SYT14: variants seen among roughly 807,000 people sequenced by gnomAD.
SYT14 encodes synaptotagmin 14.
SYT14 carries 32 observed loss-of-function variants against 74.2 expected under a neutral mutation model. The observed-to-expected ratio is 0.43, with a 90% CI of 0.33 to 0.58. The LOEUF is 0.58. Ranked by LOEUF, SYT14 falls within the 20% of genes least tolerant of loss-of-function variation. SYT14 has a pLI of 0.05. For synonymous variants in SYT14, 298 were observed against 337.7 expected, an observed-to-expected ratio of 0.88 and a Z score of 1.29; for missense variants, 791 against 981.8, an observed-to-expected ratio of 0.81 and a Z score of 2.60.
At chr1:210,144,741 A>G (rs1478080307) in intron 7 of SYT14, among the ~76,000 whole-genome samples, 1 of 152,112 alleles carries the variant, frequency 6.6e-6, no homozygotes, top group Non-Finnish European at 1.5e-5. Flanking sequence ...AAAAACATTT[A>G]TATTAAAAAC....
At chr1:210,136,487 A>C (rs570061892) in intron 7 of SYT14, among the ~76,000 whole-genome samples, 2 of 152,306 alleles carry the variant, frequency 1.3e-5, no homozygotes, top group Admixed American at 1.3e-4. Flanking sequence ...AATTCATCCC[A>C]TTGTGTGATG....
At chr1:210,088,398 GC>G (rs1306872093) in intron 5 of SYT14, among the ~76,000 whole-genome samples, 2 of 151,820 alleles carry the variant, frequency 1.3e-5, no homozygotes. Flanking sequence ...CCCTCCCTGT[GC>G]CCATATGTTC....
intron 1 of SYT14, among the ~76,000 whole-genome samples, chr1:209,939,737 T>G (rs2078699658): frequency 6.6e-6 from 1 of 152,242 alleles, no homozygotes; most frequent in South Asian, 2.1e-4. Context: ...TCTACCACAC[T>G]ACCACACTAC....
intron 2 of SYT14, among the ~76,000 whole-genome samples, chr1:209,988,507 A>C (rs2079609879): frequency 6.6e-6 from 1 of 152,040 alleles, no homozygotes; most frequent in Non-Finnish European, 1.5e-5. Context: ...AAACATTGTG[A>C]AGTTTCCCTT....
At chr1:210,080,266 C>T (rs762989648) in intron 5 of SYT14, among the ~76,000 whole-genome samples, 4 of 152,130 alleles carry the variant, frequency 2.6e-5, no homozygotes, top group Admixed American at 2.0e-4. Flanking sequence ...ATAAAACACC[C>T]TCCAGTGTCC....
intron 7 of SYT14, among the ~76,000 whole-genome samples, chr1:210,139,602 A>G (rs1259392977): frequency 6.6e-6 from 1 of 151,956 alleles, no homozygotes; most frequent in Non-Finnish European, 1.5e-5. Context: ...TAATTTCACA[A>G]TATTTTTATT....
chr1:210,159,177 C>A (rs965187793), intron 8 of SYT14, among the ~76,000 whole-genome samples: 3 of 139,038 alleles, frequency 2.2e-5, no homozygotes, highest in African/African-American at 7.4e-5. Flanking sequence ...AAAAAGATGT[C>A]CCCCTTTAAA....
At chr1:210,049,730 A>G (rs2080956282) in intron 5 of SYT14, among the ~76,000 whole-genome samples, 1 of 152,184 alleles carries the variant, frequency 6.6e-6, no homozygotes, top group South Asian at 2.1e-4. Context: ...ACTTCCGTGT[A>G]CTCACAGGCT....
chr1:210,122,136 C>T (rs1422747969), intron 7 of SYT14, among the ~76,000 whole-genome samples: 2 of 66,964 alleles, frequency 3.0e-5, no homozygotes, highest in Non-Finnish European at 5.2e-5. Flanking sequence ...CGCCACTACG[C>T]CCGGCTAATT....
exon 10 of SYT14, chr1:210,166,233 A>G (rs186272714): frequency 4.6e-5 from 7 of 152,334 alleles, no homozygotes; most frequent in African/African-American, 1.4e-4. Flanking sequence ...ATGTAAAATA[A>G]TGGTTTCTAA....
chr1:210,094,318 T>C lies in SYT14; in HGVS notation c.1313-4T>C, dbSNP rs2081929817. 1 of 1,613,674 alleles carries C rather than the reference T, an allele frequency of 6.2e-7. No homozygotes were observed. The highest frequency in any genetic ancestry group is 1.1e-5 in the South Asian group (1 of 91,084). ...ACAGTGACCAGATTCTTAATCATTA[T>C]CAGGAAACTGCATTCAGAGAATGAG... On this transcript the variant is annotated splice_region_variant and splice_polypyrimidine_tract_variant and intron_variant, in intron 5 of 9. Transcript: ENST00000637265.
At chr1:210,094,428 A>T (rs1479087138) in exon 6 of SYT14, 1 of 1,613,944 alleles carries the variant, frequency 6.2e-7, no homozygotes, top group Non-Finnish European at 8.5e-7. Context: ...CACCCTCAGA[A>T]ATTGGGGACA....
chr1:209,970,507 GC>G (rs2102749377), intron 2 of SYT14, among the ~76,000 whole-genome samples: 1 of 151,998 alleles, frequency 6.6e-6, no homozygotes, highest in South Asian at 2.1e-4. Context: ...GATGCATCCA[GC>G]TTTATTCTTT....
intron 2 of SYT14, among the ~76,000 whole-genome samples, chr1:209,978,645 A>G (rs1180127129): frequency 6.6e-6 from 1 of 152,160 alleles, no homozygotes; most frequent in Non-Finnish European, 1.5e-5. Context: ...AAGGCTACCC[A>G]GGGGTCAGGG....
chr1:210,079,054 G>GTA (rs1442640564), intron 5 of SYT14, among the ~76,000 whole-genome samples: 1 of 151,926 alleles, frequency 6.6e-6, no homozygotes, highest in Non-Finnish European at 1.5e-5. Context: ...CGCCCAGCAT[G>GTA]TATGAATCCT....
At chr1:210,105,221 G>A (rs951535745) in intron 7 of SYT14, among the ~76,000 whole-genome samples, 4 of 152,164 alleles carry the variant, frequency 2.6e-5, no homozygotes, top group African/African-American at 9.7e-5. Context: ...GTGAATCACT[G>A]CTTTTGACCA....
At chr1:210,087,300 C>A (rs186119900) in intron 5 of SYT14, among the ~76,000 whole-genome samples, 2 of 152,304 alleles carry the variant, frequency 1.3e-5, no homozygotes, top group African/African-American at 2.4e-5. Flanking sequence ...CAGATGCACA[C>A]CTTACCCTGC....
At chr1:209,987,646 A>G (rs751641267) in intron 2 of SYT14, among the ~76,000 whole-genome samples, 5 of 152,236 alleles carry the variant, frequency 3.3e-5, no homozygotes, top group Non-Finnish European at 7.3e-5. Flanking sequence ...GGTGGAGACA[A>G]ATATCCAAAC....
In SYT14 at chr1:209,973,956, T is replaced by G. The variant is rs376042163; in HGVS notation, c.-486+21200T>G. Among the ~76,000 whole-genome samples, 2,290 of 152,148 alleles carry G rather than the reference T, an allele frequency of 0.015. 158 individuals carry two copies. In the East Asian group the frequency reaches 0.23, roughly 15 times the overall value. On this transcript the variant is annotated intron_variant, in intron 2 of 9. Coordinates refer to ENST00000637265, the Ensembl canonical transcript of SYT14. ...TGGTTTTGATTTGCATTTCTCTGATTGCCAGTGATGATGAGCATTTTTTCA... is the reference window on the plus strand; with the variant it reads ...TGGTTTTGATTTGCATTTCTCTGATGGCCAGTGATGATGAGCATTTTTTCA...
Sources: gnomAD v4.1 joint callset for allele counts (sites outside exome capture counted in the v4.1 genomes callset) on GRCh38, gnomAD v4.1.1 for gene constraint, MANE v1.5 for transcripts, NCBI Gene and HGNC (gene_info 2026-07-23, HGNC 2026-07-21) for gene names.